PPM1E: variants seen among roughly 807,000 people sequenced by gnomAD.
PPM1E encodes protein phosphatase, Mg2+/Mn2+ dependent 1E, also known as protein phosphatase 1E.
Under a neutral mutation model 65.9 loss-of-function variants are expected in PPM1E, and 20 were observed. The ratio of observed to expected loss-of-function variants is 0.30; its 90% CI spans 0.21 to 0.44. The LOEUF is 0.44. PPM1E is among the 20% of genes least tolerant of loss of function. The pLI, the probability that PPM1E is intolerant of heterozygous loss-of-function variation, is 1.00. For synonymous variants in PPM1E, 352 were observed against 374.9 expected (o/e 0.94, Z 0.70); for missense variants, 713 against 953.1 (o/e 0.75, Z 3.32).
chr17:58,903,631 AC>A (rs2051522636), intron 1 of PPM1E, among the ~76,000 whole-genome samples: 1 of 152,202 alleles, frequency 6.6e-6, no homozygotes, highest in Admixed American at 6.5e-5. Flanking sequence ...ACTGACATGC[AC>A]ACCCACAGAC....
intron 2 of PPM1E, among the ~76,000 whole-genome samples, chr17:58,958,910 A>G (rs2029934692): frequency 6.6e-6 from 1 of 152,126 alleles, no homozygotes; most frequent in African/African-American, 2.4e-5. Context: ...GAATGCTCCA[A>G]CTGCACGGAA....
intron 1 of PPM1E, among the ~76,000 whole-genome samples, chr17:58,797,488 A>G (rs1383381325): frequency 6.6e-6 from 1 of 152,232 alleles, no homozygotes; most frequent in Non-Finnish European, 1.5e-5. Context: ...ACTTTTGTGG[A>G]AAGCTTCTTT....
intron 1 of PPM1E, among the ~76,000 whole-genome samples, chr17:58,850,107 CT>C (rs746835586): frequency 5.4e-5 from 8 of 148,806 alleles, no homozygotes; most frequent in East Asian, 2.0e-4. Flanking sequence ...GCAACCCCTG[CT>C]TTTTTTTTTC....
intron 6 of PPM1E, among the ~76,000 whole-genome samples, chr17:58,974,726 T>C (rs951005097): frequency 7.9e-5 from 12 of 152,236 alleles, no homozygotes; most frequent in African/African-American, 2.7e-4. Context: ...AGTCTCAAAA[T>C]TTAGTTAAAA....
At chr17:58,880,323 T>A (rs1293958011) in intron 1 of PPM1E, among the ~76,000 whole-genome samples, 1 of 152,206 alleles carries the variant, frequency 6.6e-6, no homozygotes, top group African/African-American at 2.4e-5. Flanking sequence ...TTCAAAATAG[T>A]CAATATGTCA....
intron 1 of PPM1E, among the ~76,000 whole-genome samples, chr17:58,761,259 C>A (rs1026585401): frequency 2.0e-5 from 3 of 152,060 alleles, no homozygotes; most frequent in African/African-American, 7.2e-5. Flanking sequence ...TTCAAGGGAC[C>A]CATCATGAAT....
Position 58,930,660 on chromosome 17 carries a change from G to GA in PPM1E, c.465-24982dup, listed in dbSNP as rs541564132. 8.2e-4 allele frequency among the ~76,000 whole-genome samples: 125 copies of GA among 151,926 alleles called. 1 individual carries two copies. Among genetic ancestry groups the GA allele is most frequent in the African/African-American group, 2.8e-3 (114 of 41,420 alleles). On this transcript the variant is annotated intron_variant, in intron 1 of 6. Transcript: ENST00000308249. ...AACAGAGCTTAGGAAATAAGTAAACGAAAAAAATTGTCAGTGAAATAATGG... is the reference window on the plus strand; with the variant it reads ...AACAGAGCTTAGGAAATAAGTAAACGAAAAAAAATTGTCAGTGAAATAATGG...
At chr17:58,853,130 G>T (rs1403735062) in intron 1 of PPM1E, among the ~76,000 whole-genome samples, 1 of 152,082 alleles carries the variant, frequency 6.6e-6, no homozygotes, top group Non-Finnish European at 1.5e-5. Flanking sequence ...CTATTTTGTT[G>T]TTGTTGCCTG....
At chr17:58,881,741 G>A (rs2051197261) in intron 1 of PPM1E, among the ~76,000 whole-genome samples, 1 of 152,106 alleles carries the variant, frequency 6.6e-6, no homozygotes, top group African/African-American at 2.4e-5. Flanking sequence ...CTACTCAGGA[G>A]GCTGAGGTGG....
At chr17:58,769,980 T>C (rs1389287793) in intron 1 of PPM1E, among the ~76,000 whole-genome samples, 1 of 151,976 alleles carries the variant, frequency 6.6e-6, no homozygotes, top group Admixed American at 6.6e-5. Context: ...TGAACTGAGA[T>C]TGTGCCACTG....
At chr17:58,932,283 A>T (rs1744189175) in intron 1 of PPM1E, among the ~76,000 whole-genome samples, 2 of 152,174 alleles carry the variant, frequency 1.3e-5, no homozygotes, top group African/African-American at 4.8e-5. Flanking sequence ...AGCCTGGCCA[A>T]CATAGTGAAA....
chr17:58,857,504 A>G (rs12949138), intron 1 of PPM1E, among the ~76,000 whole-genome samples: 1 of 151,888 alleles, frequency 6.6e-6, no homozygotes, highest in African/African-American at 2.4e-5. Context: ...TCTATCTGTA[A>G]GGTTAATAGG....
chr17:58,969,859 T>A, intron 4 of PPM1E, 132 bp downstream of exon 4: 2 of 844,134 alleles, frequency 2.4e-6, no homozygotes, highest in Non-Finnish European at 3.6e-6. Flanking sequence ...TGACTCACAG[T>A]ATTGGATTCT....
chr17:58,845,483 A>G (rs1325652044), intron 1 of PPM1E, among the ~76,000 whole-genome samples: 2 of 152,064 alleles, frequency 1.3e-5, no homozygotes, highest in African/African-American at 2.4e-5. Flanking sequence ...TATCCATTAA[A>G]CAGTAACTTC....
At chr17:58,912,854 A>G (rs138714188) in intron 1 of PPM1E, among the ~76,000 whole-genome samples, 67 of 152,272 alleles carry the variant, frequency 4.4e-4, no homozygotes, top group African/African-American at 1.5e-3. Context: ...GATTTAATCA[A>G]TCATGCCTAT....
chr17:58,839,588 G>A (rs1441689416), intron 1 of PPM1E, among the ~76,000 whole-genome samples: 1 of 152,162 alleles, frequency 6.6e-6, no homozygotes, highest in Non-Finnish European at 1.5e-5. Context: ...ATGCATTGTT[G>A]CTATACTTGT....
chr17:58,897,167 C>A (rs975004668), intron 1 of PPM1E, among the ~76,000 whole-genome samples: 1 of 152,170 alleles, frequency 6.6e-6, no homozygotes, highest in Non-Finnish European at 1.5e-5. Context: ...GTAATCCCAA[C>A]ACTTTGGGAG....
chr17:58,772,185 G>A (rs1035374190), intron 1 of PPM1E, among the ~76,000 whole-genome samples: 6 of 151,200 alleles, frequency 4.0e-5, no homozygotes, highest in Non-Finnish European at 8.9e-5. Flanking sequence ...CAGGCTGGGC[G>A]CGGTGGCTCA....
At chr17:58,904,044 T>C (rs1373622463) in intron 1 of PPM1E, among the ~76,000 whole-genome samples, 2 of 152,140 alleles carry the variant, frequency 1.3e-5, no homozygotes, top group Non-Finnish European at 2.9e-5. Context: ...TTGAGATCTA[T>C]ACTATTCTGA....
Sources: gnomAD v4.1 joint callset for allele counts (sites outside exome capture counted in the v4.1 genomes callset) on GRCh38, gnomAD v4.1.1 for gene constraint, MANE v1.5 for transcripts, NCBI Gene and HGNC (gene_info 2026-07-23, HGNC 2026-07-21) for gene names.